Variants in PDE4D observed in about 807,000 individuals in gnomAD.
PDE4D encodes the protein phosphodiesterase 4D.
Under a neutral mutation model 87.4 loss-of-function variants are expected in PDE4D, and 24 were observed. That is an observed-to-expected ratio of 0.27 (90% CI 0.20 to 0.39). The LOEUF (loss-of-function observed/expected upper bound fraction) is 0.39, where lower values mean the gene tolerates loss of function less well. Ranked by LOEUF, PDE4D falls within the 10% of genes least tolerant of loss-of-function variation. The pLI, the probability that PDE4D is intolerant of heterozygous loss-of-function variation, is 1.00. For synonymous variants in PDE4D, 384 were observed against 383.2 expected (o/e 1.00, Z -0.02); for missense variants, 714 against 1,041.0 (o/e 0.69, Z 4.32).
At chr5:60,092,294 G>A (rs1472712796) in intron 2 of PDE4D, among the ~76,000 whole-genome samples, 2 of 152,042 alleles carry the variant, frequency 1.3e-5, no homozygotes, top group African/African-American at 4.8e-5. Flanking sequence ...CATTGGGAAG[G>A]GAAGCAGGGA....
chr5:59,595,163 G>C (rs1826489557), intron 1 of PDE4D, among the ~76,000 whole-genome samples: 1 of 152,102 alleles, frequency 6.6e-6, no homozygotes, highest in Non-Finnish European at 1.5e-5. Flanking sequence ...AATGTCAATA[G>C]ATTCCATTTT....
intron 1 of PDE4D, among the ~76,000 whole-genome samples, chr5:60,441,338 AAGG>A (rs1745193949): frequency 6.6e-6 from 1 of 152,204 alleles, no homozygotes; most frequent in South Asian, 2.1e-4. Context: ...GCAATGGGGA[AAGG>A]ATTCCCTATT....
intron 1 of PDE4D, among the ~76,000 whole-genome samples, chr5:59,373,481 T>C (rs916583619): frequency 5.9e-5 from 9 of 152,022 alleles, no homozygotes; most frequent in Admixed American, 2.0e-4. Context: ...CAGACAAGAA[T>C]AGAGAAAACA....
chr5:59,488,618 A>C (rs1413368737), intron 1 of PDE4D, among the ~76,000 whole-genome samples: 1 of 152,076 alleles, frequency 6.6e-6, no homozygotes, highest in East Asian at 1.9e-4. Context: ...AAAGAACTAG[A>C]TATATATTCA....
chr5:59,077,934 T>A (rs1437051290), intron 5 of PDE4D, among the ~76,000 whole-genome samples: 1 of 152,200 alleles, frequency 6.6e-6, no homozygotes, highest in Non-Finnish European at 1.5e-5. Context: ...ACCTCTGATT[T>A]CCTAAAAAAC....
chr5:60,471,761 C>T (rs559471405), intron 1 of PDE4D, among the ~76,000 whole-genome samples: 18 of 152,112 alleles, frequency 1.2e-4, no homozygotes, highest in Non-Finnish European at 2.2e-4. Context: ...GCTATTTGCA[C>T]ACTTAATCAA....
chr5:60,483,137 T>C (rs970767846), intron 1 of PDE4D, among the ~76,000 whole-genome samples: 2 of 152,184 alleles, frequency 1.3e-5, no homozygotes, highest in Non-Finnish European at 1.5e-5. Flanking sequence ...AGTAAAATTT[T>C]ATAAGAAAAT....
At chr5:60,339,098 A>G (rs1459021102) in intron 1 of PDE4D, among the ~76,000 whole-genome samples, 3 of 152,344 alleles carry the variant, frequency 2.0e-5, no homozygotes, top group Non-Finnish European at 2.9e-5. Context: ...CAAAACTGGC[A>G]TGAATTTCTT....
At chr5:60,050,446 G>A (rs146787415) in intron 2 of PDE4D, among the ~76,000 whole-genome samples, 139 of 152,270 alleles carry the variant, frequency 9.1e-4, no homozygotes, top group African/African-American at 3.2e-3. Context: ...AGCTTCAAAC[G>A]TGAAGGAGAA....
chr5:59,836,672 T>TCTAC (rs1561741781), intron 1 of PDE4D, among the ~76,000 whole-genome samples: 9 of 149,052 alleles, frequency 6.0e-5, no homozygotes, highest in South Asian at 4.3e-4. Context: ...TATCTACCTA[T>TCTAC]CTATCTATCT....
At chr5:58,992,200 A>T (rs1297724698) in intron 7 of PDE4D, among the ~76,000 whole-genome samples, 196 bp from the exon 8 acceptor site, 1 of 152,192 alleles carries the variant, frequency 6.6e-6, no homozygotes, top group East Asian at 1.9e-4. Context: ...AAATTAAGCA[A>T]ATAAGTTCCA....
At chr5:60,076,682 G>A (rs1043953277) in intron 2 of PDE4D, among the ~76,000 whole-genome samples, 4 of 128 alleles carry the variant, frequency 0.031, no homozygotes, top group African/African-American at 0.071. Flanking sequence ...TCAAGGTTAG[G>A]AACCTGCTCA....
At chr5:59,225,871 A>G (rs929713813) in intron 1 of PDE4D, among the ~76,000 whole-genome samples, 9 of 152,106 alleles carry the variant, frequency 5.9e-5, no homozygotes, top group African/African-American at 2.2e-4. Flanking sequence ...GTTTCTCCAA[A>G]GAAGACAAAA....
chr5:60,499,288 A>G (rs1749958603), intron 1 of PDE4D, among the ~76,000 whole-genome samples: 1 of 152,190 alleles, frequency 6.6e-6, no homozygotes, highest in Non-Finnish European at 1.5e-5. Flanking sequence ...ATGACTTTCC[A>G]AGGTGCTTCT....
chr5:59,879,834 G>A (rs113044682), intron 1 of PDE4D, among the ~76,000 whole-genome samples: 13,917 of 152,156 alleles, frequency 0.091, 783 homozygotes, highest in Middle Eastern at 0.17. Flanking sequence ...TCCGCTCCCC[G>A]GGTTTAAGCG....
rs190656508 is a variant in PDE4D at position 59,742,777 on chromosome 5, T to C, written c.455+150391A>G. Among the ~76,000 whole-genome samples the C allele has an allele frequency of 1.2e-3, 189 of 152,320 alleles. 1 individual carries two copies. Among genetic ancestry groups the C allele is most frequent in the African/African-American group, 4.4e-3 (182 of 41,578 alleles). ...TTGCAAAAATAGTCATTCTATAATA[T>C]AGAAGTATTCTTTCACATTGGCCTC... On this transcript the variant is annotated intron_variant, in intron 1 of 14. Transcript: ENST00000340635.
chr5:60,243,448 C>T (rs1230190118), intron 1 of PDE4D, among the ~76,000 whole-genome samples: 2 of 151,944 alleles, frequency 1.3e-5, no homozygotes, highest in Non-Finnish European at 2.9e-5. Flanking sequence ...GGAAATACTT[C>T]CAAACTCATT....
intron 3 of PDE4D, among the ~76,000 whole-genome samples, chr5:59,932,822 A>G (rs961089565): frequency 3.3e-5 from 5 of 152,244 alleles, no homozygotes; most frequent in African/African-American, 1.2e-4. Flanking sequence ...GAGATTAGTC[A>G]ACAAAATTGG....
intron 1 of PDE4D, among the ~76,000 whole-genome samples, chr5:59,568,366 A>G (rs1377538363): frequency 6.6e-6 from 1 of 152,130 alleles, no homozygotes; most frequent in African/African-American, 2.4e-5. Flanking sequence ...ATGAGGGAGA[A>G]TAAGCAAATC....
Sources: allele counts gnomAD v4.1 joint callset (sites outside exome capture counted in the v4.1 genomes callset), GRCh38; gene constraint gnomAD v4.1.1; transcripts MANE v1.5; gene names NCBI Gene and HGNC (gene_info 2026-07-23, HGNC 2026-07-21).